Variants in EEA1 observed in about 807,000 individuals in gnomAD.
The protein encoded by EEA1 is early endosome antigen 1.
EEA1 carries 111 observed loss-of-function variants against 209.2 expected under a neutral mutation model. The ratio of observed to expected loss-of-function variants is 0.53; its 90% confidence interval spans 0.45 to 0.62. The LOEUF (loss-of-function observed/expected upper bound fraction) is 0.62, where lower values mean the gene tolerates loss of function less well. EEA1 is among the 20% of genes least tolerant of loss of function. The probability of loss-of-function intolerance (pLI) is 0.00; values close to 1 mark genes in which losing one functional copy is unlikely to be tolerated. For missense variants in EEA1, 1,343 were observed against 1,530.8 expected (o/e 0.88, Z 2.05); for synonymous variants, 536 against 540.6 (o/e 0.99, Z 0.12).
intron 21 of EEA1, among the ~76,000 whole-genome samples, chr12:92,793,472 T>C (rs1874507674): frequency 6.6e-6 from 1 of 152,146 alleles, no homozygotes; most frequent in Non-Finnish European, 1.5e-5. Context: ...TCACAAGCAT[T>C]CCTATACACT....
At chr12:92,866,712 A>G (rs1042494090) in intron 2 of EEA1, among the ~76,000 whole-genome samples, 1 of 152,076 alleles carries the variant, frequency 6.6e-6, no homozygotes, top group African/African-American at 2.4e-5. Flanking sequence ...CTCACTCCAG[A>G]ATTCTTCTGG....
chr12:92,914,067 T>C (rs577017399), intron 1 of EEA1, among the ~76,000 whole-genome samples: 1 of 152,336 alleles, frequency 6.6e-6, no homozygotes, highest in South Asian at 2.1e-4. Flanking sequence ...TTTCTATTTA[T>C]TGAATAAAGT....
Position 92,778,189 on chromosome 12 carries a change from A to G in EEA1, c.3655-10T>C, listed in dbSNP as rs554527142. 1.2e-6 allele frequency: 2 copies of G among 1,601,676 alleles called. No homozygotes were observed. Among genetic ancestry groups the G allele is most frequent in the African/African-American group, 1.3e-5 (1 of 74,502 alleles). Reference sequence around the variant, plus strand: ...CTTTTATTTCGGAATGCTGAAAAAAAGGAAAAGTTGGGGGGAAATCTATTA... The same window carrying G: ...CTTTTATTTCGGAATGCTGAAAAAAGGGAAAAGTTGGGGGGAAATCTATTA... On this transcript the variant is annotated splice_polypyrimidine_tract_variant and intron_variant, in intron 25 of 28. Coordinates refer to ENST00000322349, the MANE Select transcript of EEA1 (RefSeq NM_003566.4).
intron 2 of EEA1, chr12:92,879,099 C>A (rs76464873): frequency 0.024 from 5,010 of 205,818 alleles, 107 homozygotes; most frequent in Non-Finnish European, 0.035. Flanking sequence ...CCCTCATGAC[C>A]AAATGAAAAG....
chr12:92,831,726 T>C (rs1179057693), intron 11 of EEA1, among the ~76,000 whole-genome samples: 3 of 150,422 alleles, frequency 2.0e-5, no homozygotes, highest in Non-Finnish European at 4.4e-5. Context: ...TGATTCACTT[T>C]CTACAAAATA....
intron 20 of EEA1, among the ~76,000 whole-genome samples, chr12:92,799,714 G>A (rs182912785): frequency 7.1e-4 from 108 of 152,082 alleles, no homozygotes; most frequent in Non-Finnish European, 1.1e-3. Flanking sequence ...GTGAACCCAG[G>A]AGGCAGAGCT....
In EEA1 at chr12:92,771,478, T is replaced by C. The variant is rs1413934657; in HGVS notation, c.*4533A>G. The C allele has an allele frequency of 6.6e-6, 1 of 151,876 alleles. No individual in the cohort carries two copies. Among genetic ancestry groups the C allele is most frequent in the Non-Finnish European group, 1.5e-5 (1 of 67,912 alleles). The allele number at this position is 151,876 out of a possible 1,614,324, so 9.4% of individuals were successfully genotyped here. ...CCTCTTTATAATAATGTCAGAAATT[T>C]AATAGAAGAAAAAAAGGAAAATCTG... On this transcript the variant is annotated 3_prime_UTR_variant, in exon 29 of 29. Transcript: ENST00000322349.
intron 9 of EEA1, among the ~76,000 whole-genome samples, chr12:92,846,590 TTAGA>T (rs1372097456): frequency 3.3e-5 from 5 of 152,196 alleles, no homozygotes; most frequent in Admixed American, 6.5e-5. Context: ...TGATTACAGC[TTAGA>T]TATTTTCAAT....
chr12:92,776,622 C>T lies in EEA1; in HGVS notation c.4113+222G>A, dbSNP rs185565852. Among the ~76,000 whole-genome samples, 5 of 151,924 alleles carry T rather than the reference C, an allele frequency of 3.3e-5. No individual in the cohort carries two copies. In the East Asian group the frequency reaches 9.6e-4, roughly 29 times the overall value. On this transcript the variant is annotated intron_variant, in intron 28 of 28. Coordinates refer to ENST00000322349, the MANE Select transcript of EEA1 (RefSeq NM_003566.4). ...TGATTCAGAAAATGATTGTCCCAGA[C>T]AGTAACTAAGTTGGAAGACAAGGAC...
chr12:92,910,824 C>T (rs1880555893), intron 1 of EEA1, among the ~76,000 whole-genome samples: 1 of 152,096 alleles, frequency 6.6e-6, no homozygotes, highest in South Asian at 2.1e-4. Context: ...AAGGCAAAGA[C>T]CTTAATAGAC....
At position 92,928,932 on chromosome 12, in the gene EEA1, T is replaced by C; in HGVS notation, c.24+111A>G. 8 of 1,156,460 alleles carry C rather than the reference T, an allele frequency of 6.9e-6. No homozygotes were observed. In the South Asian group the frequency reaches 1.2e-4, roughly 17 times the overall value. The allele number at this position is 1,156,460 out of a possible 1,614,324, so 71.6% of individuals were successfully genotyped here. ...CGAGGCCTAAGCGCCTGCCGGGCTG[T>C]GGGGCCTAGGGAAGGAAGGAGCCCG... On this transcript the variant is annotated intron_variant, in intron 1 of 28. Coordinates refer to ENST00000322349, the MANE Select transcript of EEA1 (RefSeq NM_003566.4).
intron 2 of EEA1, among the ~76,000 whole-genome samples, chr12:92,882,910 C>A (rs544124058): frequency 5.9e-5 from 9 of 152,036 alleles, no homozygotes; most frequent in Non-Finnish European, 1.2e-4. Context: ...TTTGGTAGAA[C>A]AGTTTGTTTT....
At chr12:92,791,919 C>A (rs1874421008) in intron 21 of EEA1, among the ~76,000 whole-genome samples, 1 of 152,206 alleles carries the variant, frequency 6.6e-6, no homozygotes, top group East Asian at 1.9e-4. Flanking sequence ...TCACAACAAA[C>A]TGTCTCTCAG....
intron 2 of EEA1, among the ~76,000 whole-genome samples, chr12:92,884,887 A>G (rs1592756695): frequency 1.3e-5 from 2 of 152,016 alleles, no homozygotes; most frequent in East Asian, 3.8e-4. Context: ...TTTGTGACTA[A>G]TTGTATAACA....
At chr12:92,879,929 C>T (rs1380896877) in intron 2 of EEA1, among the ~76,000 whole-genome samples, 2 of 152,196 alleles carry the variant, frequency 1.3e-5, no homozygotes, top group Non-Finnish European at 2.9e-5. Context: ...TGTCCTGGTC[C>T]CCTGCCAGCC....
chr12:92,913,721 C>T (rs1248104999), intron 1 of EEA1, among the ~76,000 whole-genome samples: 1 of 152,050 alleles, frequency 6.6e-6, no homozygotes, highest in African/African-American at 2.4e-5. Flanking sequence ...AGTGCAGTGG[C>T]GCGATGTCAG....
chr12:92,834,182 T>A (rs1330669665), intron 10 of EEA1, among the ~76,000 whole-genome samples: 1 of 151,916 alleles, frequency 6.6e-6, no homozygotes, highest in East Asian at 1.9e-4. Flanking sequence ...TAAGAAAAAG[T>A]AAGCTAATGT....
intron 1 of EEA1, among the ~76,000 whole-genome samples, chr12:92,924,348 C>T (rs1298350514): frequency 6.6e-6 from 1 of 151,696 alleles, no homozygotes; most frequent in African/African-American, 2.4e-5. Flanking sequence ...GCTGGGATTA[C>T]AGGTGCCCGC....
intron 18 of EEA1, among the ~76,000 whole-genome samples, chr12:92,803,156 A>C (rs1875016066): frequency 6.6e-6 from 1 of 152,080 alleles, no homozygotes; most frequent in South Asian, 2.1e-4. Context: ...AACATGAAAC[A>C]CATTATGTGT....
Sources: gnomAD v4.1 joint callset for allele counts (sites outside exome capture counted in the v4.1 genomes callset) on GRCh38, gnomAD v4.1.1 for gene constraint, MANE v1.5 for transcripts, NCBI Gene and HGNC (gene_info 2026-07-23, HGNC 2026-07-21) for gene names.